IGF2BP2: variants seen among roughly 807,000 people sequenced by gnomAD.
IGF2BP2 encodes the protein insulin like growth factor 2 mRNA binding protein 2.
In IGF2BP2, 17 loss-of-function variants were observed where a neutral mutation model predicts 75.8. The ratio of observed to expected loss-of-function variants is 0.22; its 90% confidence interval spans 0.15 to 0.34. The LOEUF (loss-of-function observed/expected upper bound fraction) is 0.34, where lower values mean the gene tolerates loss of function less well. IGF2BP2 is among the 10% of genes least tolerant of loss of function. The pLI is 1.00. For missense variants in IGF2BP2, 516 were observed against 772.4 expected, an observed-to-expected ratio of 0.67 and a Z score of 3.93; for synonymous variants, 288 against 295.6, an observed-to-expected ratio of 0.97 and a Z score of 0.26.
At chr3:185,784,160 G>A (rs1016310755) in intron 2 of IGF2BP2, among the ~76,000 whole-genome samples, 6 of 152,208 alleles carry the variant, frequency 3.9e-5, no homozygotes, top group South Asian at 4.1e-4. Flanking sequence ...GCTTGAACCC[G>A]GGAGACAGAG....
At chr3:185,800,738 G>C (rs1403753058) in intron 2 of IGF2BP2, among the ~76,000 whole-genome samples, 1 of 151,866 alleles carries the variant, frequency 6.6e-6, no homozygotes, top group Admixed American at 6.6e-5. Context: ...AAGAAAGAAA[G>C]AAAGTACTTG....
At chr3:185,718,390 T>C (rs754212327) in intron 2 of IGF2BP2, among the ~76,000 whole-genome samples, 2 of 151,986 alleles carry the variant, frequency 1.3e-5, no homozygotes, top group Middle Eastern at 3.2e-3. Flanking sequence ...AGTAACTCTA[T>C]CAGAAAGCAA....
chr3:185,659,873 C>T (rs1475798888), intron 10 of IGF2BP2, among the ~76,000 whole-genome samples: 1 of 151,686 alleles, frequency 6.6e-6, no homozygotes, highest in African/African-American at 2.4e-5. Flanking sequence ...CGGCTCACTG[C>T]ATCCTCCACC....
intron 2 of IGF2BP2, among the ~76,000 whole-genome samples, chr3:185,814,995 G>C (rs1740411701): frequency 6.6e-6 from 1 of 151,818 alleles, no homozygotes; most frequent in Non-Finnish European, 1.5e-5. Context: ...GCCAATCTTT[G>C]TGCAACATTC....
intron 2 of IGF2BP2, chr3:185,821,175 A>G (rs879263555): frequency 3.5e-6 from 5 of 1,433,076 alleles, no homozygotes; most frequent in Non-Finnish European, 4.6e-6. Context: ...AATAAAGGAA[A>G]GGAAAAAAAA....
At chr3:185,727,732 C>G (rs1255699773) in intron 2 of IGF2BP2, among the ~76,000 whole-genome samples, 1 of 152,262 alleles carries the variant, frequency 6.6e-6, no homozygotes, top group East Asian at 1.9e-4. Context: ...ACAAAGTTGG[C>G]ACAGGGAAGG....
intron 1 of IGF2BP2, 22 bp from the exon 2 acceptor site, chr3:185,823,235 A>T (rs989485675): frequency 3.8e-6 from 6 of 1,590,720 alleles, no homozygotes; most frequent in Non-Finnish European, 5.2e-6. Flanking sequence ...AAATTAAAGC[A>T]CTCAGAACCT....
chr3:185,672,716 G>C lies in IGF2BP2; in HGVS notation c.1072-47C>G, dbSNP rs767842251. 19 of 1,610,454 alleles carry C rather than the reference G, an allele frequency of 1.2e-5. 1 individual carries two copies. In the South Asian group the frequency reaches 2.1e-4, roughly 18 times the overall value. On this transcript the variant is annotated intron_variant, in intron 9 of 15. Coordinates refer to ENST00000382199, the MANE Select transcript of IGF2BP2 (RefSeq NM_006548.6). ...AAAGATGAAGGGAGGAGACCAGAGAGGCCCGCACGCCTGGGTCAACCTCCC... is the reference window on the plus strand; with the variant it reads ...AAAGATGAAGGGAGGAGACCAGAGACGCCCGCACGCCTGGGTCAACCTCCC...
At chr3:185,808,072 G>A (rs1486522254) in intron 2 of IGF2BP2, among the ~76,000 whole-genome samples, 7 of 151,020 alleles carry the variant, frequency 4.6e-5, no homozygotes, top group Non-Finnish European at 1.0e-4. Context: ...TTGAGCCTGG[G>A]AGTTCGAGTC....
At position 185,817,829 on chromosome 3, in the gene IGF2BP2, T is replaced by A. The variant is rs886306619; in HGVS notation, c.239+5324A>T. Among the ~76,000 whole-genome samples the A allele has an allele frequency of 2.0e-5, 3 of 152,304 alleles. No individual in the cohort carries two copies. In the South Asian group the frequency reaches 6.2e-4, roughly 32 times the overall value. Reference sequence around the variant, plus strand: ...ATTTGAATATAAGAAGGATAAAACTTTACTAATAAATTCTGGGGGCATGTT... The same window carrying A: ...ATTTGAATATAAGAAGGATAAAACTATACTAATAAATTCTGGGGGCATGTT... On this transcript the variant is annotated intron_variant, in intron 2 of 15. Transcript: ENST00000382199.
chr3:185,699,837 C>G (rs1723055385), intron 2 of IGF2BP2, among the ~76,000 whole-genome samples: 1 of 152,128 alleles, frequency 6.6e-6, no homozygotes, highest in Non-Finnish European at 1.5e-5. Context: ...GAGGCTTTCC[C>G]CAAGACATCC....
At chr3:185,710,889 A>T (rs1032245622) in intron 2 of IGF2BP2, among the ~76,000 whole-genome samples, 5 of 146,878 alleles carry the variant, frequency 3.4e-5, no homozygotes, top group African/African-American at 7.5e-5. Context: ...TAATACCAAT[A>T]AAAAAAAAAA....
At chr3:185,660,159 C>T (rs1253721044) in intron 10 of IGF2BP2, among the ~76,000 whole-genome samples, 1 of 152,224 alleles carries the variant, frequency 6.6e-6, no homozygotes, top group Non-Finnish European at 1.5e-5. Flanking sequence ...GTGCTTTACA[C>T]AAGGCTGGGT....
chr3:185,743,479 T>C (rs1235311290), intron 2 of IGF2BP2, among the ~76,000 whole-genome samples: 2 of 152,218 alleles, frequency 1.3e-5, no homozygotes, highest in Non-Finnish European at 2.9e-5. Context: ...TTTCACCATA[T>C]TGGCCAGGCT....
intron 15 of IGF2BP2, among the ~76,000 whole-genome samples, chr3:185,646,596 A>G (rs1182019641): frequency 6.6e-6 from 1 of 152,152 alleles, no homozygotes; most frequent in African/African-American, 2.4e-5. Flanking sequence ...GGAGAGAGAA[A>G]TGCCGTGAGC....
chr3:185,763,927 A>G, intron 2 of IGF2BP2, among the ~76,000 whole-genome samples: 1 of 152,116 alleles, frequency 6.6e-6, no homozygotes, highest in Non-Finnish European at 1.5e-5. Flanking sequence ...CAAAGCACCA[A>G]ATGTATTTGG....
intron 2 of IGF2BP2, among the ~76,000 whole-genome samples, chr3:185,773,218 C>T (rs1175039816): frequency 6.6e-6 from 1 of 152,196 alleles, no homozygotes; most frequent in Non-Finnish European, 1.5e-5. Context: ...ATTCTAACTC[C>T]TATTACTGAG....
intron 2 of IGF2BP2, among the ~76,000 whole-genome samples, chr3:185,701,885 T>A (rs971958727): frequency 3.9e-5 from 6 of 152,108 alleles, no homozygotes; most frequent in Non-Finnish European, 7.4e-5. Flanking sequence ...GCAATTAGGA[T>A]CTCTGAGATC....
chr3:185,713,422 G>C, intron 2 of IGF2BP2: 1 of 520,064 alleles, frequency 1.9e-6, no homozygotes, highest in Non-Finnish European at 3.8e-6. Flanking sequence ...TGGGCGGCTT[G>C]GTTTAATGGC....
Sources: gnomAD v4.1 joint callset for allele counts (sites outside exome capture counted in the v4.1 genomes callset) on GRCh38, gnomAD v4.1.1 for gene constraint, MANE v1.5 for transcripts, NCBI Gene and HGNC (gene_info 2026-07-23, HGNC 2026-07-21) for gene names.